FBXO32: variants seen among roughly 807,000 people sequenced by gnomAD.
FBXO32 encodes F-box only protein 32.
A neutral mutation model predicts 48.3 loss-of-function variants in FBXO32; 15 were observed. The ratio of observed to expected loss-of-function variants is 0.31; its 90% CI spans 0.21 to 0.48. The LOEUF (loss-of-function observed/expected upper bound fraction) is 0.48, where lower values mean the gene tolerates loss of function less well. Among genes scored for constraint, FBXO32 ranks in the 20% least tolerant of loss-of-function variants. The probability of loss-of-function intolerance (pLI) is 0.99; values close to 1 mark genes in which losing one functional copy is unlikely to be tolerated. For synonymous variants in FBXO32, 154 were observed against 165.9 expected, an observed-to-expected ratio of 0.93 and a Z score of 0.55; for missense variants, 309 against 432.7, an observed-to-expected ratio of 0.71 and a Z score of 2.54.
rs1817408324 is a variant in FBXO32 at position 123,541,205 on chromosome 8, C to T, written c.-191G>A. 2 of 357,418 alleles carry T rather than the reference C, an allele frequency of 5.6e-6. No homozygotes were observed. The highest frequency in any genetic ancestry group is 4.7e-5 in the Admixed American group (1 of 21,110). 22.1% of individuals were successfully genotyped at this position (357,418 alleles called of 1,614,324 possible). A position where few individuals can be genotyped will look rare whatever the true frequency, so the allele number is the denominator to read the frequency against. On this transcript the variant is annotated 5_prime_UTR_variant, in exon 1 of 9. Coordinates refer to ENST00000517956, the MANE Select transcript of FBXO32 (RefSeq NM_058229.4). ...TCAAGCGTTGCAGGCTCCGGGAGTG[C>T]TGCGCGGCAGTAGCTGCCGCAGTAT... is the stretch of plus-strand genomic sequence containing the variant.
intron 6 of FBXO32, among the ~76,000 whole-genome samples, chr8:123,508,459 T>G (rs1816673261): frequency 6.6e-6 from 1 of 152,058 alleles, no homozygotes; most frequent in African/African-American, 2.4e-5. Flanking sequence ...CCCTGGGAAG[T>G]CTCCCCATGT....
At chr8:123,528,290 A>T (rs766494282) in intron 4 of FBXO32, among the ~76,000 whole-genome samples, 7 of 152,136 alleles carry the variant, frequency 4.6e-5, no homozygotes, top group Non-Finnish European at 1.0e-4. Context: ...GGTTGACTTG[A>T]TGCCCAAGAC....
At chr8:123,510,295 G>A (rs1424815299) in intron 6 of FBXO32, among the ~76,000 whole-genome samples, 1 of 152,220 alleles carries the variant, frequency 6.6e-6, no homozygotes, top group East Asian at 1.9e-4. Context: ...GAGGCATGGA[G>A]AGACTGAATA....
At chr8:123,507,390 CA>C (rs1212855479) in intron 6 of FBXO32, among the ~76,000 whole-genome samples, 1 of 151,504 alleles carries the variant, frequency 6.6e-6, no homozygotes, top group African/African-American at 2.4e-5. Flanking sequence ...GAATGAAGCC[CA>C]AATAATTAAA....
At chr8:123,532,142 C>T in intron 3 of FBXO32, 152 bp from the exon 4 acceptor site, 2 of 1,421,288 alleles carry the variant, frequency 1.4e-6, no homozygotes, top group Non-Finnish European at 1.8e-6. Flanking sequence ...TTTCCTGTAC[C>T]CACAAGCCCT....
chr8:123,523,540 A>T (rs529365690), intron 4 of FBXO32, among the ~76,000 whole-genome samples: 1 of 152,242 alleles, frequency 6.6e-6, no homozygotes, highest in East Asian at 1.9e-4. Flanking sequence ...CAGTGAGCCA[A>T]GATCGCGGCA....
intron 4 of FBXO32, among the ~76,000 whole-genome samples, chr8:123,524,189 G>T (rs1817023737): frequency 6.6e-6 from 1 of 152,090 alleles, no homozygotes; most frequent in African/African-American, 2.4e-5. Context: ...ATCTAGGGTG[G>T]TGTGGGCATC....
chr8:123,533,151 T>C (rs753837734), intron 3 of FBXO32, 40 bp downstream of exon 3: 2 of 1,506,202 alleles, frequency 1.3e-6, no homozygotes, highest in Admixed American at 3.4e-5. Flanking sequence ...CAGGAAGGGA[T>C]AAGGTTCAGT....
At chr8:123,511,959 G>A (rs975661952) in intron 6 of FBXO32, among the ~76,000 whole-genome samples, 1 of 152,168 alleles carries the variant, frequency 6.6e-6, no homozygotes, top group South Asian at 2.1e-4. Flanking sequence ...TGGGTTTTCT[G>A]TGAGAGATAA....
Position 123,501,351 on chromosome 8 carries a change from G to A in FBXO32, c.*2022C>T, listed in dbSNP as rs1816479224. On this transcript the variant is annotated 3_prime_UTR_variant, in exon 9 of 9. Transcript: ENST00000517956. ...TTCCCAATGTGAAATTGGTTCAGGG[G>A]GAGAGGGATTGCAAAAAAAAAACAA... The A allele has an allele frequency of 7.6e-6, 1 of 131,384 alleles. No individual in the cohort carries two copies. The highest frequency in any genetic ancestry group is 7.9e-5 in the Admixed American group (1 of 12,598). 8.1% of individuals were successfully genotyped at this position (131,384 alleles called of 1,614,324 possible).
Position 123,531,984 on chromosome 8 carries a change from C to T in FBXO32, c.286G>A (p.Gly96Arg), listed in dbSNP as rs1276661758. ...AAAGCTTCCCCCAGGGTGCAATATC[C>T]ATGGCGCTGAACATGAAAACAAAGG... ...VHKGSTKERH[G>R]YCTLGEAFNR... The change falls in exon 4 of 9, where the codon GGA becomes AGA. Residue 96 changes from glycine (G) to arginine (R), a missense_variant. By Grantham distance (125) the Gly-to-Arg change is moderately radical. Transcript: ENST00000517956. 6.2e-7 allele frequency: 1 copy of T among 1,614,086 alleles called. No individual in the cohort carries two copies. The highest frequency in any genetic ancestry group is 8.5e-7 in the Non-Finnish European group (1 of 1,179,998).
chr8:123,503,418 G>A lies in FBXO32; in HGVS notation c.1023C>T (p.Ser341=), dbSNP rs775701404. ...PCTANNPESC[S]VSLSPQDFIN... ...TAAAGTCCTGGGGTGAAAGTGAAAC[G>A]GAGCAGCTCTCTGGGTTATTGGCAG... Residue 341 remains serine, a synonymous_variant, in exon 9 of 9, where the codon TCC becomes TCT. Coordinates refer to ENST00000517956, the MANE Select transcript of FBXO32 (RefSeq NM_058229.4). 5.6e-6 allele frequency: 9 copies of A among 1,614,164 alleles called. No homozygotes were observed. The East Asian group carries it at 1.3e-4, about 24-fold the overall frequency.
intron 4 of FBXO32, among the ~76,000 whole-genome samples, chr8:123,520,021 C>T (rs1002289420): frequency 2.6e-5 from 4 of 152,178 alleles, no homozygotes; most frequent in African/African-American, 7.2e-5. Context: ...CTCCTGACCT[C>T]AGGTGATCTG....
chr8:123,506,426 T>G lies in FBXO32; in HGVS notation c.800A>C (p.Lys267Thr). 2 of 1,614,102 alleles carry G rather than the reference T, an allele frequency of 1.2e-6. No homozygotes were observed. The highest frequency in any genetic ancestry group is 1.7e-6 in the Non-Finnish European group (2 of 1,180,010). Residue 267 changes from lysine to threonine, a missense_variant, in exon 7 of 9, where the codon AAG (lysine) becomes ACG (threonine). By Grantham distance (78) the Lys-to-Thr change is moderately conservative (BLOSUM62 -1). Transcript: ENST00000517956. This position sits in a 1 kb window ranked among gnomAD's most constrained non-coding sequence, Gnocchi z 4.0. ...GGAGAAGTGGTACTGGCAGAGTTTC[T>G]TCCACAGCAGCCGGTCTTCGCTGAG... The part of the protein sequence containing the change: ...HVLSEDRLLW[K>T]KLCQYHFSER...
intron 1 of FBXO32, among the ~76,000 whole-genome samples, chr8:123,539,301 T>A (rs1234949172): frequency 6.6e-6 from 1 of 152,110 alleles, no homozygotes; most frequent in African/African-American, 2.4e-5. Context: ...TATACAGAAA[T>A]AAAGTACCAA....
At chr8:123,510,425 A>C (rs1057335529) in intron 6 of FBXO32, among the ~76,000 whole-genome samples, 6 of 152,238 alleles carry the variant, frequency 3.9e-5, no homozygotes, top group African/African-American at 1.4e-4. Flanking sequence ...CAGCCTGGCC[A>C]ACATGGTGAA....
intron 2 of FBXO32, among the ~76,000 whole-genome samples, chr8:123,533,855 A>T (rs573532138): frequency 6.6e-6 from 1 of 151,914 alleles, no homozygotes; most frequent in East Asian, 1.9e-4. Context: ...ACATGCTGTG[A>T]ACAGAGCGGG....
At position 123,522,207 on chromosome 8, in the gene FBXO32, T is replaced by C. The variant is rs965873704; in HGVS notation, c.373-7874A>G. Among the ~76,000 whole-genome samples the C allele has an allele frequency of 1.5e-3, 102 of 69,904 alleles. 1 individual carries two copies. In the South Asian group the frequency reaches 0.026, roughly 18 times the overall value. 45.9% of individuals were successfully genotyped at this position (69,904 alleles called of 152,430 possible). A position where few individuals can be genotyped will look rare whatever the true frequency, so the allele number is the denominator to read the frequency against. On this transcript the variant is annotated intron_variant, in intron 4 of 8. Coordinates refer to ENST00000517956, the MANE Select transcript of FBXO32 (RefSeq NM_058229.4). ...TCATCTTTTACCCATCCTGGTTACT[T>C]TTTTTTTTTTTTTTTTTTTTGAGAT...
In FBXO32 at chr8:123,507,924, A is replaced by C. The variant is rs1051123620; in HGVS notation, c.652-1350T>G. ...AAACGCTGTCATGGAGGGAAGCACAAAGCGCTGTGGGAAGAATCTGCACCT... is the reference window on the plus strand; with the variant it reads ...AAACGCTGTCATGGAGGGAAGCACACAGCGCTGTGGGAAGAATCTGCACCT... On this transcript the variant is annotated intron_variant, in intron 6 of 8. Transcript: ENST00000517956. Among the ~76,000 whole-genome samples the C allele has an allele frequency of 7.8e-4, 119 of 152,156 alleles. 1 individual carries two copies. Among genetic ancestry groups the C allele is most frequent in the African/African-American group, 2.7e-3 (113 of 41,430 alleles).
Sources: gnomAD v4.1 joint callset for allele counts (sites outside exome capture counted in the v4.1 genomes callset) on GRCh38, gnomAD v4.1.1 for gene constraint, Gnocchi (gnomAD v3.1) non-coding constraint, MANE v1.5 for transcripts, NCBI Gene and HGNC (gene_info 2026-07-23, HGNC 2026-07-21) for gene names.